VWC2L: variants seen among roughly 807,000 people sequenced by gnomAD.
VWC2L encodes the protein von Willebrand factor C domain containing 2 like.
In VWC2L, 10 loss-of-function variants were observed where a neutral mutation model predicts 21.6. The ratio of observed to expected loss-of-function variants is 0.46; its 90% CI spans 0.29 to 0.78. The LOEUF (loss-of-function observed/expected upper bound fraction) is 0.78, where lower values mean the gene tolerates loss of function less well. Ranked by LOEUF, VWC2L falls within the 30% of genes least tolerant of loss-of-function variation. VWC2L has a pLI of 0.10. For missense variants in VWC2L, 209 were observed against 277.1 expected (o/e 0.75, Z 1.74); for synonymous variants, 96 against 94.3 (o/e 1.02, Z -0.10).
chr2:214,541,998 C>A (rs1300067353), intron 3 of VWC2L, among the ~76,000 whole-genome samples: 1 of 151,630 alleles, frequency 6.6e-6, no homozygotes, highest in Non-Finnish European at 1.5e-5. Context: ...TGCTGAAGAG[C>A]TGCTGTTGTT....
chr2:214,440,209 G>C (rs1285390283), intron 3 of VWC2L, among the ~76,000 whole-genome samples: 1 of 151,984 alleles, frequency 6.6e-6, no homozygotes, highest in African/African-American at 2.4e-5. Flanking sequence ...TGAATGACTG[G>C]ACAGAGTCTA....
At chr2:214,469,476 T>A (rs1365852023) in intron 3 of VWC2L, among the ~76,000 whole-genome samples, 1 of 152,126 alleles carries the variant, frequency 6.6e-6, no homozygotes, top group Non-Finnish European at 1.5e-5. Flanking sequence ...GCGCCTGTAG[T>A]CCCAGTTACT....
At chr2:214,561,047 G>T (rs1230395549) in intron 3 of VWC2L, among the ~76,000 whole-genome samples, 1 of 152,138 alleles carries the variant, frequency 6.6e-6, no homozygotes, top group East Asian at 1.9e-4. Context: ...CAATGTTAGG[G>T]TTTTCATCCA....
intron 3 of VWC2L, among the ~76,000 whole-genome samples, chr2:214,450,650 G>A (rs898820474): frequency 6.6e-6 from 1 of 152,172 alleles, no homozygotes; most frequent in African/African-American, 2.4e-5. Flanking sequence ...GAGACAGCAG[G>A]AGAATCCTAA....
chr2:214,482,985 C>G (rs1432255118), intron 3 of VWC2L, among the ~76,000 whole-genome samples: 2 of 152,064 alleles, frequency 1.3e-5, no homozygotes, highest in Non-Finnish European at 2.9e-5. Flanking sequence ...AAGCAGCTAC[C>G]CCTTCCTCCC....
chr2:214,417,423 G>A (rs569997938), intron 2 of VWC2L, among the ~76,000 whole-genome samples: 2 of 152,298 alleles, frequency 1.3e-5, no homozygotes, highest in South Asian at 4.1e-4. Flanking sequence ...GATGGCAGAA[G>A]CTTATCAAAA....
intron 3 of VWC2L, among the ~76,000 whole-genome samples, chr2:214,565,163 G>T (rs1430842213): frequency 1.3e-5 from 2 of 152,022 alleles, no homozygotes; most frequent in African/African-American, 2.4e-5. Flanking sequence ...CCATAATTCA[G>T]TATTTCTGTG....
chr2:214,525,637 TCCTCACATC>T, intron 3 of VWC2L, among the ~76,000 whole-genome samples: 1 of 152,278 alleles, frequency 6.6e-6, no homozygotes, highest in Admixed American at 6.5e-5. Context: ...AATAATTCAT[TCCTCACATC>T]CCTACCATGC....
chr2:214,432,075 AT>A (rs1185046444), intron 2 of VWC2L, among the ~76,000 whole-genome samples: 2 of 152,384 alleles, frequency 1.3e-5, no homozygotes, highest in Middle Eastern at 6.8e-3. Context: ...TAATATTTAA[AT>A]AAAATACAAA....
intron 3 of VWC2L, among the ~76,000 whole-genome samples, chr2:214,464,101 T>G (rs1559298488): frequency 1.3e-5 from 2 of 152,294 alleles, no homozygotes; most frequent in Non-Finnish European, 1.5e-5. Flanking sequence ...GCTCTTTTGA[T>G]TTCTCTGTCT....
intron 3 of VWC2L, among the ~76,000 whole-genome samples, chr2:214,541,482 T>C (rs1483772454): frequency 6.6e-6 from 1 of 152,184 alleles, no homozygotes; most frequent in Non-Finnish European, 1.5e-5. Flanking sequence ...AACTCAAACA[T>C]TTGTCAAAGA....
chr2:214,515,207 C>A (rs73989040), intron 3 of VWC2L, among the ~76,000 whole-genome samples: 4,666 of 152,214 alleles, frequency 0.031, 226 homozygotes, highest in African/African-American at 0.11. Flanking sequence ...ATTTAGACAG[C>A]CTCGTTGGGA....
intron 3 of VWC2L, among the ~76,000 whole-genome samples, chr2:214,466,641 T>G (rs1001977538): frequency 1.3e-5 from 2 of 152,224 alleles, no homozygotes; most frequent in African/African-American, 2.4e-5. Context: ...CTGTTTTCTA[T>G]GTTTTCCATT....
chr2:214,483,591 T>C (rs1238996298), intron 3 of VWC2L, among the ~76,000 whole-genome samples: 6 of 152,164 alleles, frequency 3.9e-5, no homozygotes, highest in Admixed American at 6.6e-5. Flanking sequence ...AAAACAGCAA[T>C]ACGTTTACAT....
At chr2:214,512,569 A>G (rs1358354663) in intron 3 of VWC2L, among the ~76,000 whole-genome samples, 1 of 152,142 alleles carries the variant, frequency 6.6e-6, no homozygotes, top group Non-Finnish European at 1.5e-5. Flanking sequence ...TTAAAAGTAA[A>G]AAAAAAAAAA....
intron 3 of VWC2L, among the ~76,000 whole-genome samples, chr2:214,548,899 C>T (rs1038778675): frequency 5.3e-5 from 8 of 152,150 alleles, no homozygotes; most frequent in Admixed American, 4.6e-4. Context: ...CTTCTTATTG[C>T]TTCTGTAACA....
intron 2 of VWC2L, among the ~76,000 whole-genome samples, chr2:214,417,946 T>C (rs904720524): frequency 8.5e-5 from 13 of 152,176 alleles, no homozygotes; most frequent in Non-Finnish European, 1.3e-4. Flanking sequence ...GGGTAAAATC[T>C]AATTTCCCTG....
At chr2:214,426,171 CAAAAAAAAAAA>C (rs34411661) in intron 2 of VWC2L, among the ~76,000 whole-genome samples, 1 of 69,956 alleles carries the variant, frequency 1.4e-5, no homozygotes, top group East Asian at 4.1e-4. Context: ...GGCTTCGTCT[CAAAAAAAAAAA>C]AAAAAAAAAA....
intron 3 of VWC2L, among the ~76,000 whole-genome samples, chr2:214,542,719 C>G (rs1430760557): frequency 1.3e-5 from 2 of 152,168 alleles, no homozygotes; most frequent in Non-Finnish European, 2.9e-5. Context: ...AATCTTTCAA[C>G]CTTCACACTC....
Sources: gnomAD v4.1 joint callset for allele counts (sites outside exome capture counted in the v4.1 genomes callset) on GRCh38, gnomAD v4.1.1 for gene constraint, MANE v1.5 for transcripts, NCBI Gene and HGNC (gene_info 2026-07-23, HGNC 2026-07-21) for gene names.